The following PGAP1 variants were observed in gnomAD, a reference collection of about 807,000 sequenced individuals.
PGAP1 encodes the protein GPI inositol-deacylase.
In PGAP1, 76 loss-of-function variants were observed where a neutral mutation model predicts 127.0. The observed-to-expected ratio is 0.60, with a 90% confidence interval of 0.50 to 0.72. The LOEUF is 0.72. PGAP1 is among the 30% of genes least tolerant of loss of function. The pLI is 0.00. For missense variants in PGAP1, 982 were observed against 1,071.3 expected, an observed-to-expected ratio of 0.92 and a Z score of 1.16; for synonymous variants, 362 against 366.5, an observed-to-expected ratio of 0.99 and a Z score of 0.14.
intron 1 of PGAP1, 60 bp downstream of exon 1, chr2:196,926,409 GA>G: frequency 2.5e-6 from 4 of 1,606,760 alleles, no homozygotes; most frequent in East Asian, 2.2e-5. Context: ...CCCACAGAAG[GA>G]AAAAGGCACC....
rs903223086 is a variant in PGAP1 at position 196,864,814 on chromosome 2, G to A, written c.1861+173C>T. Among the ~76,000 whole-genome samples, 3 of 151,988 alleles carry A rather than the reference G, an allele frequency of 2.0e-5. No homozygotes were observed. In the East Asian group the frequency reaches 5.8e-4, roughly 29 times the overall value. On this transcript the variant is annotated intron_variant, in intron 20 of 26. Transcript: ENST00000354764. ...AGAACAGAATAGTAGCTACTATTAC[G>A]TGGCATAATTATAAAAAAATAAATA... is the stretch of plus-strand genomic sequence containing the variant.
chr2:196,844,157 A>G lies in PGAP1; in HGVS notation c.2338-82T>C, dbSNP rs3795919. Reference sequence around the variant, plus strand: ...TTAGAATCATACTCATTACTTATCAACTAAATAAGTACATCTTTCCATTAC... The same window carrying G: ...TTAGAATCATACTCATTACTTATCAGCTAAATAAGTACATCTTTCCATTAC... On this transcript the variant is annotated intron_variant, in intron 24 of 26. Transcript: ENST00000354764. 0.086 allele frequency: 68,697 copies of G among 802,968 alleles called. 3,621 individuals are homozygous for G. The highest frequency in any genetic ancestry group is 0.21 in the African/African-American group (11,768 of 56,544). The allele number at this position is 802,968 out of a possible 1,614,324, so 49.7% of individuals were successfully genotyped here. A position where few individuals can be genotyped will look rare whatever the true frequency, so the allele number is the denominator to read the frequency against.
In PGAP1 at chr2:196,922,321, A is replaced by G. The variant is rs1354359967; in HGVS notation, c.148-2171T>C. 5 of 1,148,824 alleles carry G rather than the reference A, an allele frequency of 4.4e-6. No individual in the cohort carries two copies. The African/African-American group carries it at 4.9e-5, about 11-fold the overall frequency. 71.2% of individuals were successfully genotyped at this position (1,148,824 alleles called of 1,614,324 possible). A position where few individuals can be genotyped will look rare whatever the true frequency, so the allele number is the denominator to read the frequency against. On this transcript the variant is annotated intron_variant, in intron 1 of 26. Coordinates refer to ENST00000354764, the MANE Select transcript of PGAP1 (RefSeq NM_024989.4). The stretch of plus-strand genomic sequence containing the variant: ...AACTGAAAAATAAAGTTTTATTTCC[A>G]TAACTAACCAAAAAGAAAAAAGATT...
intron 10 of PGAP1, among the ~76,000 whole-genome samples, chr2:196,889,427 T>C (rs1167640368): frequency 6.6e-6 from 1 of 151,176 alleles, no homozygotes; most frequent in Non-Finnish European, 1.5e-5. Flanking sequence ...AGCAAAGTAA[T>C]AGATCTTGGT....
At chr2:196,851,034 G>T (rs1000865615) in intron 20 of PGAP1, among the ~76,000 whole-genome samples, 1 of 151,892 alleles carries the variant, frequency 6.6e-6, no homozygotes, top group African/African-American at 2.4e-5. Flanking sequence ...GTATAAAAAA[G>T]TTTTATTTGA....
chr2:196,893,556 T>C (rs563397577), intron 7 of PGAP1, among the ~76,000 whole-genome samples: 14 of 152,324 alleles, frequency 9.2e-5, no homozygotes, highest in African/African-American at 3.4e-4. Flanking sequence ...TTCATTATTA[T>C]GCAATAGTGT....
In PGAP1 at chr2:196,839,147, G is replaced by A. The variant is rs1700330376; in HGVS notation, c.*2087C>T. 1 of 152,584 alleles carries A rather than the reference G, an allele frequency of 6.6e-6. No individual in the cohort carries two copies. The highest frequency in any genetic ancestry group is 1.5e-5 in the Non-Finnish European group (1 of 68,028). 9.5% of individuals were successfully genotyped at this position (152,584 alleles called of 1,614,324 possible). ...GTACTAACTAAACAAAGAGGTTTTA[G>A]AATACATAAACATAATATTTATGGC... On this transcript the variant is annotated 3_prime_UTR_variant, in exon 27 of 27. Coordinates refer to ENST00000354764, the MANE Select transcript of PGAP1 (RefSeq NM_024989.4).
intron 19 of PGAP1, among the ~76,000 whole-genome samples, chr2:196,866,113 A>C (rs893004484): frequency 2.6e-5 from 4 of 152,152 alleles, no homozygotes; most frequent in African/African-American, 9.7e-5. Context: ...ACAGAATTAG[A>C]AAAAAACTAC....
chr2:196,863,822 G>A (rs539481943), intron 20 of PGAP1, among the ~76,000 whole-genome samples: 11 of 152,020 alleles, frequency 7.2e-5, no homozygotes, highest in South Asian at 6.3e-4. Flanking sequence ...CAGGTGATCC[G>A]CCCGCCTCGG....
chr2:196,851,557 T>G (rs980852423), intron 20 of PGAP1, among the ~76,000 whole-genome samples: 1 of 152,188 alleles, frequency 6.6e-6, no homozygotes, highest in Non-Finnish European at 1.5e-5. Flanking sequence ...ATTATTTTCT[T>G]TTAGAGAGCC....
intron 20 of PGAP1, among the ~76,000 whole-genome samples, chr2:196,860,168 G>A (rs949771343): frequency 1.3e-5 from 2 of 151,882 alleles, no homozygotes; most frequent in East Asian, 1.9e-4. Flanking sequence ...CTCAGTAAAA[G>A]TTTCAAGATA....
At chr2:196,901,891 G>T (rs991636641) in intron 5 of PGAP1, among the ~76,000 whole-genome samples, 1 of 152,068 alleles carries the variant, frequency 6.6e-6, no homozygotes, top group Non-Finnish European at 1.5e-5. Flanking sequence ...GATTCCCCTG[G>T]ATTCCAGTCC....
chr2:196,911,462 C>T (rs866981062), intron 4 of PGAP1, among the ~76,000 whole-genome samples: 3 of 78,130 alleles, frequency 3.8e-5, no homozygotes, highest in East Asian at 3.8e-4. Flanking sequence ...GTGGTGGGGT[C>T]GGGGGAGGGG....
chr2:196,879,624 G>A (rs1451143318), intron 13 of PGAP1, among the ~76,000 whole-genome samples: 1 of 152,128 alleles, frequency 6.6e-6, no homozygotes, highest in Non-Finnish European at 1.5e-5. Flanking sequence ...GAACCCAGGA[G>A]GTGGAGGTTG....
Position 196,900,174 on chromosome 2 carries a change from AC to A in PGAP1, c.808-1806del, listed in dbSNP as rs1702437944. Among the ~76,000 whole-genome samples the A allele has an allele frequency of 2.0e-5, 3 of 152,302 alleles. No homozygotes were observed. The South Asian group carries it at 6.2e-4, about 32-fold the overall frequency. ...CTTGTGGTTGAAGATGACTGGAGCA[AC>A]CCTGAAAGAAAAGCATTCAAGATGG... is the stretch of plus-strand genomic sequence containing the variant. On this transcript the variant is annotated intron_variant, in intron 5 of 26. Coordinates refer to ENST00000354764, the MANE Select transcript of PGAP1 (RefSeq NM_024989.4).
intron 18 of PGAP1, among the ~76,000 whole-genome samples, chr2:196,872,169 G>C (rs1444175959): frequency 6.6e-6 from 1 of 151,990 alleles, no homozygotes; most frequent in Non-Finnish European, 1.5e-5. Context: ...TCTGGACTTG[G>C]GGCTTCCAAA....
At chr2:196,913,097 T>C in intron 3 of PGAP1, 44 bp from the exon 4 acceptor site, 1 of 1,538,960 alleles carries the variant, frequency 6.5e-7, no homozygotes, top group African/African-American at 1.4e-5. Context: ...CTTTGTATCA[T>C]TTTTAAAATA....
At chr2:196,915,892 T>G (rs1702989105) in intron 3 of PGAP1, among the ~76,000 whole-genome samples, 1 of 152,144 alleles carries the variant, frequency 6.6e-6, no homozygotes, top group South Asian at 2.1e-4. Flanking sequence ...TCCAATTCTC[T>G]GCTTTCTTTA....
chr2:196,847,825 C>A, intron 21 of PGAP1, 122 bp downstream of exon 21: 8 of 627,654 alleles, frequency 1.3e-5, no homozygotes, highest in South Asian at 5.9e-5. Flanking sequence ...AAAAAAAAAC[C>A]TCATTTAATG....
Sources: allele counts gnomAD v4.1 joint callset (sites outside exome capture counted in the v4.1 genomes callset), GRCh38; gene constraint gnomAD v4.1.1; transcripts MANE v1.5; gene names NCBI Gene and HGNC (gene_info 2026-07-23, HGNC 2026-07-21).